The following SRPRB variants were observed in gnomAD, a reference collection of about 807,000 sequenced individuals.
The protein encoded by SRPRB is signal recognition particle receptor subunit beta.
Under a neutral mutation model 31.9 loss-of-function variants are expected in SRPRB, and 20 were observed. That is an observed-to-expected ratio of 0.63 (90% CI 0.44 to 0.91). SRPRB has a LOEUF of 0.91. SRPRB is among the 40% of genes least tolerant of loss of function. SRPRB has a pLI of 0.00. For synonymous variants in SRPRB, 146 were observed against 132.8 expected (o/e 1.10, Z -0.68); for missense variants, 321 against 324.9 (o/e 0.99, Z 0.09).
chr3:133,817,417 A>G (rs1935385941), intron 6 of SRPRB, among the ~76,000 whole-genome samples: 1 of 152,262 alleles, frequency 6.6e-6, no homozygotes, highest in Non-Finnish European at 1.5e-5. Flanking sequence ...GAATAAGAAC[A>G]GAACACTGAG....
chr3:133,788,066 G>T (rs1934731737), intron 1 of SRPRB: 1 of 152,204 alleles, frequency 6.6e-6, no homozygotes, highest in Admixed American at 6.5e-5. Flanking sequence ...GATAAACCAT[G>T]TGTGTAGTTT....
In SRPRB at chr3:133,808,991, AGTTT is replaced by A. The variant is rs777003763; in HGVS notation, c.327+1181_327+1184del. Among the ~76,000 whole-genome samples, 28 of 151,324 alleles carry A rather than the reference AGTTT, an allele frequency of 1.9e-4. 1 individual carries two copies. The highest frequency in any genetic ancestry group is 3.9e-4 in the East Asian group (2 of 5,132). On this transcript the variant is annotated intron_variant, in intron 3 of 6. Coordinates refer to ENST00000678299, the MANE Select transcript of SRPRB (RefSeq NM_001379313.1). ...ACTACCAAACCGATTGTAATGCATA[AGTTT>A]GTTTGTTTGTTTTTGAGACAGGAGT...
downstream of SRPRB, chr3:133,825,638 C>G (rs1315530334): frequency 6.6e-6 from 1 of 152,204 alleles, no homozygotes; most frequent in Non-Finnish European, 1.5e-5. Context: ...GTGATCAGAA[C>G]CAATGTGTTT....
intron 6 of SRPRB, among the ~76,000 whole-genome samples, 174 bp from the exon 7 acceptor site, chr3:133,819,379 C>T (rs1935425847): frequency 6.6e-6 from 1 of 150,970 alleles, no homozygotes; most frequent in South Asian, 2.1e-4. Context: ...CCTACCTCAC[C>T]TCTCTGTCCA....
rs777146219 is a variant in SRPRB at position 133,805,986 on chromosome 3, G to T, written c.138G>T (p.Ala46=). Residue 46 remains alanine (A), a synonymous_variant, in exon 1 of 7, where the codon GCG becomes GCT. Coordinates refer to ENST00000678299, the MANE Select transcript of SRPRB (RefSeq NM_001379313.1). The part of the protein sequence containing the change: ...TLLSVVVAVL[A]VLLTLVFWKL... ...TGTCAGTAGTGGTGGCGGTTCTTGC[G>T]GTGCTGCTGACGCTAGGTAAAAGGC... 2.5e-6 allele frequency: 4 copies of T among 1,613,188 alleles called. No homozygotes were observed. In the East Asian group the frequency reaches 8.9e-5, roughly 36 times the overall value.
intron 3 of SRPRB, among the ~76,000 whole-genome samples, chr3:133,808,188 T>C (rs1019917180): frequency 6.6e-6 from 1 of 152,254 alleles, no homozygotes; most frequent in African/African-American, 2.4e-5. Flanking sequence ...AGAAAAGATA[T>C]TTGGTGAAAA....
rs1182711659 is a variant in SRPRB, at chr3:133,811,580, G to GTT, written c.410+387_410+388dup. Reference sequence around the variant, plus strand: ...TGCCAACATCATTTATATATATAGTGTTTTTTTGTTTTTTTTTTTTGAGAT... The same window carrying GTT: ...TGCCAACATCATTTATATATATAGTGTTTTTTTTTGTTTTTTTTTTTTGAGAT... On this transcript the variant is annotated intron_variant, in intron 4 of 6. Transcript: ENST00000678299. 3.1e-5 allele frequency among the ~76,000 whole-genome samples: 4 copies of GTT among 129,100 alleles called. No homozygotes were observed. The South Asian group carries it at 9.4e-4, about 30-fold the overall frequency. 84.7% of individuals were successfully genotyped at this position (129,100 alleles called of 152,430 possible). A position where few individuals can be genotyped will look rare whatever the true frequency, so the allele number is the denominator to read the frequency against.
At chr3:133,815,551 C>A in intron 4 of SRPRB, 39 bp from the exon 5 acceptor site, 2 of 1,611,500 alleles carry the variant, frequency 1.2e-6, no homozygotes, top group Non-Finnish European at 1.7e-6. Flanking sequence ...TGTCCTGTTA[C>A]ACGTTCACAT....
At position 133,814,279 on chromosome 3, in the gene SRPRB, C is replaced by T. The variant is rs574536238; in HGVS notation, c.411-1311C>T. 4.6e-5 allele frequency among the ~76,000 whole-genome samples: 7 copies of T among 152,086 alleles called. 1 individual carries two copies. The South Asian group carries it at 1.5e-3, about 32-fold the overall frequency. ...CCTGAGTAGCTGGGACAACAGGCAC[C>T]CGCCATCACACCAAGCTAATTTTTT... is the stretch of plus-strand genomic sequence containing the variant. On this transcript the variant is annotated intron_variant, in intron 4 of 6. Coordinates refer to ENST00000678299, the MANE Select transcript of SRPRB (RefSeq NM_001379313.1).
chr3:133,814,521 C>G (rs143242809), intron 4 of SRPRB, among the ~76,000 whole-genome samples: 3 of 152,202 alleles, frequency 2.0e-5, no homozygotes, highest in African/African-American at 4.8e-5. Context: ...TCACTGCAAC[C>G]TTCGCCTTCT....
chr3:133,827,681 C>A, downstream of SRPRB: 1 of 571,636 alleles, frequency 1.7e-6, no homozygotes, highest in Non-Finnish European at 3.1e-6. Flanking sequence ...AGAAAGCACT[C>A]AACAATATTA....
At chr3:133,797,658 T>G (rs941782285) in intron 1 of SRPRB, among the ~76,000 whole-genome samples, 1 of 152,196 alleles carries the variant, frequency 6.6e-6, no homozygotes, top group Non-Finnish European at 1.5e-5. Flanking sequence ...GGAGGAGGTA[T>G]GCAGGGAGAA....
chr3:133,816,732 A>G (rs947642981), intron 5 of SRPRB, 146 bp from the exon 6 acceptor site: 20 of 549,610 alleles, frequency 3.6e-5, no homozygotes, highest in African/African-American at 2.1e-4. Context: ...TTACTTTGAT[A>G]GAGAAGGAAC....
chr3:133,806,030 G>T, intron 1 of SRPRB, 28 bp downstream of exon 1: 1 of 1,606,512 alleles, frequency 6.2e-7, no homozygotes, highest in Non-Finnish European at 8.5e-7. Flanking sequence ...GTCATGGCGG[G>T]TTTGGGGCGG....
intron 6 of SRPRB, among the ~76,000 whole-genome samples, chr3:133,818,687 A>G (rs1189016136): frequency 6.6e-6 from 1 of 152,174 alleles, no homozygotes; most frequent in Non-Finnish European, 1.5e-5. Flanking sequence ...CTATGTACTC[A>G]CCACCATGCC....
chr3:133,810,995 G>A, intron 3 of SRPRB, 122 bp from the exon 4 acceptor site: 1 of 904,340 alleles, frequency 1.1e-6, no homozygotes, highest in South Asian at 1.9e-5. Context: ...AGTAGAAGAT[G>A]CTTTGTGAAC....
At chr3:133,825,417 G>A (rs373073400), downstream of SRPRB, 5 of 152,244 alleles carry the variant, frequency 3.3e-5, no homozygotes, top group African/African-American at 1.2e-4. Flanking sequence ...TCTGGCCATT[G>A]CTCCCCTCAG....
intron 3 of SRPRB, among the ~76,000 whole-genome samples, chr3:133,808,904 A>AAT (rs1371139631): frequency 1.3e-5 from 2 of 150,666 alleles, no homozygotes; most frequent in Admixed American, 1.3e-4. Context: ...AAAAAAAAAA[A>AAT]ATATAAGGAA....
intron 1 of SRPRB, chr3:133,796,712 C>T (rs1463692753): frequency 6.6e-6 from 1 of 152,180 alleles, no homozygotes; most frequent in Non-Finnish European, 1.5e-5. Context: ...GGACACCCTC[C>T]AGTAGTAACA....
Sources: gnomAD v4.1 joint callset for allele counts (sites outside exome capture counted in the v4.1 genomes callset) on GRCh38, gnomAD v4.1.1 for gene constraint, MANE v1.5 for transcripts, NCBI Gene and HGNC (gene_info 2026-07-23, HGNC 2026-07-21) for gene names.